The following ALX4 variants were observed in gnomAD, a reference collection of about 807,000 sequenced individuals.
ALX4 encodes homeobox protein aristaless-like 4.
Under a neutral mutation model 40.6 loss-of-function variants are expected in ALX4, and 22 were observed. The ratio of observed to expected loss-of-function variants is 0.54; its 90% CI spans 0.39 to 0.77. The LOEUF (loss-of-function observed/expected upper bound fraction) is 0.77. Ranked by LOEUF, ALX4 falls within the 30% of genes least tolerant of loss-of-function variation. The pLI is 0.00. For missense variants in ALX4, 556 were observed against 564.8 expected (o/e 0.98, Z 0.16); for synonymous variants, 266 against 240.5 (o/e 1.11, Z -0.98).
At chr11:44,278,449 G>GT (rs1956290481) in intron 1 of ALX4, among the ~76,000 whole-genome samples, 1 of 152,232 alleles carries the variant, frequency 6.6e-6, no homozygotes, top group Admixed American at 6.5e-5. Context: ...TGTCCATCTT[G>GT]TGGGGGGCAG....
At chr11:44,297,236 G>A (rs10769035) in intron 1 of ALX4, among the ~76,000 whole-genome samples, 76,320 of 152,010 alleles carry the variant, frequency 0.5, 19,697 homozygotes, top group Admixed American at 0.57. Context: ...AGATGTTAAA[G>A]TGGTAGCATT....
intron 2 of ALX4, among the ~76,000 whole-genome samples, chr11:44,268,942 C>G (rs1956229157): frequency 6.6e-6 from 1 of 152,376 alleles, no homozygotes; most frequent in Admixed American, 6.5e-5. Flanking sequence ...CCATAAGGAG[C>G]CTTGCCAGGC....
At chr11:44,271,046 G>A (rs533823316) in intron 2 of ALX4, among the ~76,000 whole-genome samples, 2 of 151,874 alleles carry the variant, frequency 1.3e-5, no homozygotes, top group African/African-American at 2.4e-5. Flanking sequence ...CCATTGCCCC[G>A]TCCCTGTCCC....
chr11:44,292,250 G>A (rs375698654), intron 1 of ALX4, among the ~76,000 whole-genome samples: 2 of 151,476 alleles, frequency 1.3e-5, no homozygotes, highest in South Asian at 4.2e-4. Flanking sequence ...CTGTTGCCTA[G>A]GCTGGAGCAC....
intron 1 of ALX4, among the ~76,000 whole-genome samples, chr11:44,293,577 T>C (rs1487820851): frequency 6.6e-6 from 1 of 152,238 alleles, no homozygotes; most frequent in African/African-American, 2.4e-5. Context: ...GAGGATACTT[T>C]GTGTAGCACA....
chr11:44,287,114 C>T (rs891576667), intron 1 of ALX4, among the ~76,000 whole-genome samples: 5 of 152,248 alleles, frequency 3.3e-5, no homozygotes, highest in African/African-American at 1.2e-4. Context: ...CAGGCATCCG[C>T]CGAGGCAGGG....
At chr11:44,301,976 G>A (rs948013379) in intron 1 of ALX4, among the ~76,000 whole-genome samples, 6 of 152,172 alleles carry the variant, frequency 3.9e-5, no homozygotes, top group Non-Finnish European at 7.4e-5. Flanking sequence ...GATGACGCGG[G>A]GGGTGGTTGG....
chr11:44,310,103 G>A lies in ALX4; in HGVS notation c.-41C>T, dbSNP rs1384570950. 6.5e-7 allele frequency: 1 copy of A among 1,538,250 alleles called. No individual in the cohort carries two copies. Among genetic ancestry groups the A allele is most frequent in the Non-Finnish European group, 8.8e-7 (1 of 1,139,734 alleles). On this transcript the variant is annotated 5_prime_UTR_variant, in exon 1 of 4. Transcript: ENST00000652299. ...GCGGCGGGCGGGGACGCGAGCGAGG[G>A]CGCGAGGACGCCACCGCGCGCCTTG...
intron 1 of ALX4, among the ~76,000 whole-genome samples, chr11:44,297,860 T>A (rs1383165037): frequency 6.6e-6 from 1 of 152,210 alleles, no homozygotes; most frequent in Admixed American, 6.5e-5. Flanking sequence ...GAAGACTTAG[T>A]TTGTGCTGTT....
Position 44,264,851 on chromosome 11 carries a change from C to A in ALX4, c.*3G>T. ...GAGGTGGGGACGGGGCAGGGGTGCC[C>A]TGTCATGTGGCCCAGGAAATGGCCG... On this transcript the variant is annotated 3_prime_UTR_variant, in exon 4 of 4. Coordinates refer to ENST00000652299, the MANE Select transcript of ALX4 (RefSeq NM_021926.4). The A allele has an allele frequency of 1.2e-6, 2 of 1,612,604 alleles. No individual in the cohort carries two copies. The highest frequency in any genetic ancestry group is 1.7e-6 in the Non-Finnish European group (2 of 1,179,884).
rs1309943017 is a variant in ALX4 at position 44,264,999 on chromosome 11, A to C, written c.1091T>G (p.Met364Arg). The change falls in exon 4 of 4, where the codon ATG (methionine) becomes AGG (arginine). Residue 364 changes from methionine to arginine, a missense_variant. Met to Arg is a moderately conservative substitution (Grantham distance 91). Transcript: ENST00000652299. ...GCTGGCTGCTCCAAACAGGCTGCCC[A>C]TGTGCGTCTGGCCCACGTGACTGCC... ...GAGSHVGQTH[M>R]GSLFGAASLS... The C allele has an allele frequency of 1.2e-6, 2 of 1,612,966 alleles. No individual in the cohort carries two copies. Among genetic ancestry groups the C allele is most frequent in the East Asian group, 4.5e-5 (2 of 44,888 alleles).
chr11:44,301,714 A>G (rs1319973154), intron 1 of ALX4, among the ~76,000 whole-genome samples: 1 of 152,120 alleles, frequency 6.6e-6, no homozygotes. Flanking sequence ...CTTTCCACCC[A>G]TTGTAGTGGA....
chr11:44,275,397 G>A lies in ALX4; in HGVS notation c.728C>T (p.Ala243Val), dbSNP rs145166164. ...FQKTHYPDVYAREQLAMRTDL... is the reference protein window; with the variant it reads ...FQKTHYPDVYVREQLAMRTDL... ...TGTCCTCATGGCCAGCTGTTCCCGC[G>A]CATACACGTCTGGGTAGTGGGTCTT... is the stretch of plus-strand genomic sequence containing the variant. The change falls in exon 2 of 4, where the codon GCG (alanine) becomes GTG (valine). Residue 243 changes from alanine (A) to valine (V), a missense_variant. Ala to Val is a moderately conservative substitution (Grantham distance 64). Coordinates refer to ENST00000652299, the MANE Select transcript of ALX4 (RefSeq NM_021926.4). 7.9e-5 allele frequency: 128 copies of A among 1,614,084 alleles called. No individual in the cohort carries two copies. The Admixed American group carries it at 8.5e-4, about 11-fold the overall frequency.
rs104894193 is a variant in ALX4 at position 44,275,472 on chromosome 11, C to T, written c.653G>A (p.Arg218Gln). The T allele has an allele frequency of 3.1e-6, 5 of 1,613,966 alleles. No individual in the cohort carries two copies. Among genetic ancestry groups the T allele is most frequent in the Admixed American group, 1.7e-5 (1 of 60,026 alleles). ...ESNKGKKRRN[R>Q]TTFTSYQLEE... is the part of the protein sequence containing the mutation. ...CAGCTGGTAGCTGGTGAAGGTGGTC[C>T]GGTTCCGCCGCTTCTTGCCCTTGTT... The change falls in exon 2 of 4, where the codon CGG (arginine) becomes CAG (glutamine). Residue 218 changes from arginine (R) to glutamine (Q), a missense_variant. Arg to Gln is a conservative substitution (Grantham distance 43, BLOSUM62 1). Transcript: ENST00000652299.
intron 1 of ALX4, among the ~76,000 whole-genome samples, chr11:44,287,027 C>A (rs558302624): frequency 6.6e-5 from 10 of 152,220 alleles, no homozygotes; most frequent in Non-Finnish European, 1.3e-4. Context: ...CCCTAGGACA[C>A]CCCTGTCGTT....
At chr11:44,298,091 T>A (rs1225362417) in intron 1 of ALX4, among the ~76,000 whole-genome samples, 1 of 152,186 alleles carries the variant, frequency 6.6e-6, no homozygotes, top group African/African-American at 2.4e-5. Flanking sequence ...GACACAGAAG[T>A]GCCAGGCTGA....
intron 1 of ALX4, among the ~76,000 whole-genome samples, chr11:44,303,730 G>T (rs1324506974): frequency 6.6e-6 from 1 of 152,226 alleles, no homozygotes; most frequent in Admixed American, 6.5e-5. Flanking sequence ...GGGGGCCGGG[G>T]CCAGGGCCGG....
chr11:44,300,285 T>C (rs1956427699), intron 1 of ALX4, among the ~76,000 whole-genome samples: 1 of 152,118 alleles, frequency 6.6e-6, no homozygotes, highest in South Asian at 2.1e-4. Context: ...GGTTCAGAGA[T>C]GGGGAGGCTG....
chr11:44,292,377 ATTTTTTTTT>A (rs67510206), intron 1 of ALX4, among the ~76,000 whole-genome samples: 7 of 93,114 alleles, frequency 7.5e-5, no homozygotes, highest in African/African-American at 2.1e-4. Context: ...GGCTAATTAA[ATTTTTTTTT>A]TTTTTTTTTT....
Sources: allele counts gnomAD v4.1 joint callset (sites outside exome capture counted in the v4.1 genomes callset), GRCh38; gene constraint gnomAD v4.1.1; transcripts MANE v1.5; gene names NCBI Gene and HGNC (gene_info 2026-07-23, HGNC 2026-07-21).